Variants in RPS6KA6 observed in about 807,000 individuals in gnomAD.
The protein encoded by RPS6KA6 is ribosomal protein S6 kinase A6.
Under a neutral mutation model 65.4 loss-of-function variants are expected in RPS6KA6, and 27 were observed. That is an observed-to-expected ratio of 0.41 (90% CI 0.30 to 0.57). The LOEUF (loss-of-function observed/expected upper bound fraction) is 0.57, where lower values mean the gene tolerates loss of function less well. Among genes scored for constraint, RPS6KA6 ranks in the 20% least tolerant of loss-of-function variants. The pLI, the probability that RPS6KA6 is intolerant of heterozygous loss-of-function variation, is 0.24. For synonymous variants in RPS6KA6, 190 were observed against 184.2 expected, an observed-to-expected ratio of 1.03 and a Z score of -0.26; for missense variants, 486 against 555.6, an observed-to-expected ratio of 0.87 and a Z score of 1.26.
In RPS6KA6 at chrX:84,126,393, C is replaced by T. The variant is rs190017059; in HGVS notation, c.647-6366G>A. ...AGGGATATAGAACTCAATACAGTAA[C>T]AGCCGGTGACTTCAACACCCCACTT... On this transcript the variant is annotated intron_variant, in intron 8 of 21. Transcript: ENST00000262752. Among the ~76,000 whole-genome samples, 210 of 111,399 alleles carry T rather than the reference C, an allele frequency of 1.9e-3. 4 individuals are homozygous for T. The East Asian group carries it at 0.054, about 29-fold the overall frequency.
At chrX:84,119,761 G>T in intron 9 of RPS6KA6, 124 bp downstream of exon 9, 1 of 404,943 alleles carries the variant, frequency 2.5e-6, no homozygotes, top group Non-Finnish European at 3.9e-6. Context: ...CAAGGTTTTT[G>T]GTGTTAATTA....
At chrX:84,088,273 T>C (rs574779907) in intron 20 of RPS6KA6, among the ~76,000 whole-genome samples, 2 of 112,070 alleles carry the variant, frequency 1.8e-5, no homozygotes, top group East Asian at 2.8e-4. Context: ...ATCTTTGAGG[T>C]TGCTGACCTT....
At chrX:84,126,961 G>A (rs947907239) in intron 8 of RPS6KA6, among the ~76,000 whole-genome samples, 10 of 110,728 alleles carry the variant, frequency 9.0e-5, no homozygotes, top group East Asian at 5.6e-4. Flanking sequence ...CAAATTAGTC[G>A]GAGAAAAGAA....
chrX:84,151,127 T>G (rs1254596999), intron 3 of RPS6KA6, among the ~76,000 whole-genome samples: 6 of 98,203 alleles, frequency 6.1e-5, no homozygotes, highest in East Asian at 6.1e-4. Flanking sequence ...ATAGGATATA[T>G]ATAGATATAT....
chrX:84,101,978 A>C lies in RPS6KA6; in HGVS notation c.1776+59T>G, dbSNP rs372599302. ...CCTACCATAACATTCATATGGCATC[A>C]TATAGATTCAACTAAAGGAAAAGAA... On this transcript the variant is annotated intron_variant, in intron 18 of 21. Transcript: ENST00000262752. The C allele has an allele frequency of 7.2e-6, 7 of 969,171 alleles. No individual in the cohort carries two copies. In the African/African-American group the frequency reaches 7.8e-5, roughly 11 times the overall value. 79.9% of individuals were successfully genotyped at this position (969,171 alleles called of 1,213,427 possible).
intron 8 of RPS6KA6, among the ~76,000 whole-genome samples, chrX:84,121,586 T>A (rs1049159071): frequency 1.8e-5 from 2 of 112,117 alleles, no homozygotes; most frequent in Admixed American, 9.5e-5. Context: ...GTGATTTAGA[T>A]CACATATGTC....
intron 20 of RPS6KA6, among the ~76,000 whole-genome samples, chrX:84,068,464 C>T (rs771594704): frequency 8.9e-5 from 10 of 111,792 alleles, no homozygotes; most frequent in Non-Finnish European, 1.7e-4. Flanking sequence ...TAGCCAATAT[C>T]ATACTGAATG....
chrX:84,132,201 T>C (rs1020415410), intron 8 of RPS6KA6, among the ~76,000 whole-genome samples: 3 of 110,618 alleles, frequency 2.7e-5, no homozygotes, highest in Admixed American at 9.8e-5. Flanking sequence ...GGCAGGATGA[T>C]TGCTTGAGGC....
intron 18 of RPS6KA6, among the ~76,000 whole-genome samples, chrX:84,099,516 T>C (rs1242352157): frequency 9.0e-6 from 1 of 111,144 alleles, no homozygotes; most frequent in Non-Finnish European, 1.9e-5. Flanking sequence ...CTCATTCCTG[T>C]TGCTCAAATC....
At chrX:84,074,319 T>C (rs1259393995) in intron 20 of RPS6KA6, among the ~76,000 whole-genome samples, 1 of 111,350 alleles carries the variant, frequency 9.0e-6, no homozygotes, top group East Asian at 2.8e-4. Flanking sequence ...GCTGATCTCA[T>C]AGAGGTACAG....
chrX:84,186,363 A>G (rs1431088608), intron 1 of RPS6KA6, among the ~76,000 whole-genome samples: 1 of 112,374 alleles, frequency 8.9e-6, no homozygotes, highest in Non-Finnish European at 1.9e-5. Context: ...TGAATATAAC[A>G]AAGTTCCTCT....
At chrX:84,090,432 C>T (rs1455931471) in intron 20 of RPS6KA6, among the ~76,000 whole-genome samples, 1 of 111,649 alleles carries the variant, frequency 9.0e-6, no homozygotes, top group Admixed American at 9.6e-5. Flanking sequence ...TGTAAAACTG[C>T]TCTGTAGTAC....
At position 84,174,709 on chromosome X, in the gene RPS6KA6, T is replaced by G. The variant is rs112646946; in HGVS notation, c.82-10322A>C. On this transcript the variant is annotated intron_variant, in intron 1 of 21. Transcript: ENST00000262752. Reference sequence around the variant, plus strand: ...AACACTTTCCCTTTTTCCTTCCACCTTACCCTATGAAGACTTCTATCAGTA... The same window carrying G: ...AACACTTTCCCTTTTTCCTTCCACCGTACCCTATGAAGACTTCTATCAGTA... Among the ~76,000 whole-genome samples the G allele has an allele frequency of 2.9e-3, 321 of 111,819 alleles. 2 individuals are homozygous for G. The highest frequency in any genetic ancestry group is 5.4e-3 in the Non-Finnish European group (285 of 53,111).
At chrX:84,076,279 T>C (rs146481353) in intron 20 of RPS6KA6, among the ~76,000 whole-genome samples, 1,208 of 111,694 alleles carry the variant, frequency 0.011, 19 homozygotes, top group African/African-American at 0.034. Context: ...TTTCAGAAAT[T>C]TGAAGAGGAG....
intron 20 of RPS6KA6, among the ~76,000 whole-genome samples, chrX:84,074,702 G>C (rs1053937192): frequency 9.0e-6 from 1 of 110,990 alleles, no homozygotes; most frequent in Non-Finnish European, 1.9e-5. Context: ...TAAGAAAATA[G>C]AATACTTATA....
intron 10 of RPS6KA6, 64 bp downstream of exon 10, chrX:84,117,320 A>C: frequency 1.3e-6 from 1 of 798,017 alleles, no homozygotes; most frequent in Non-Finnish European, 1.8e-6. Flanking sequence ...AACCGCAATA[A>C]TTTTTTCAAA....
chrX:84,067,477 ATACCCAAGT>A (rs1315344132), intron 20 of RPS6KA6, among the ~76,000 whole-genome samples: 1 of 112,022 alleles, frequency 8.9e-6, no homozygotes, highest in East Asian at 2.8e-4. Context: ...TTCGTGAAGC[ATACCCAAGT>A]ATGGATAGTT....
chrX:84,145,563 T>C lies in RPS6KA6; in HGVS notation c.422-6A>G, dbSNP rs1345815249. On this transcript the variant is annotated splice_region_variant and splice_polypyrimidine_tract_variant and intron_variant, in intron 5 of 21. Coordinates refer to ENST00000262752, the MANE Select transcript of RPS6KA6 (RefSeq NM_014496.5). Reference sequence around the variant, plus strand: ...TTTCCCTTCAGTCTGAAAGGCTAATTAAAAATTAGAATATAGTAACAGGAT... The same window carrying C: ...TTTCCCTTCAGTCTGAAAGGCTAATCAAAAATTAGAATATAGTAACAGGAT... 2.9e-6 allele frequency: 3 copies of C among 1,027,955 alleles called. No individual in the cohort carries two copies. Among genetic ancestry groups the C allele is most frequent in the African/African-American group, 3.8e-5 (2 of 52,132 alleles). The allele number at this position is 1,027,955 out of a possible 1,213,427, so 84.7% of individuals were successfully genotyped here.
chrX:84,058,795 G>T lies in RPS6KA6; in HGVS notation c.*5482C>A, dbSNP rs2033250140. 9.0e-6 allele frequency: 1 copy of T among 111,263 alleles called. No homozygotes were observed. Among genetic ancestry groups the T allele is most frequent in the African/African-American group, 3.3e-5 (1 of 30,595 alleles). The allele number at this position is 111,263 out of a possible 1,213,427, so 9.2% of individuals were successfully genotyped here. ...TAATGCCATTTCAGTCTTCAGAAAT[G>T]CAATGAAATGTCAGTATATACATAT... On this transcript the variant is annotated 3_prime_UTR_variant, in exon 22 of 22. Transcript: ENST00000262752.
Sources: gnomAD v4.1 joint callset for allele counts (sites outside exome capture counted in the v4.1 genomes callset) on GRCh38, gnomAD v4.1.1 for gene constraint, MANE v1.5 for transcripts, NCBI Gene and HGNC (gene_info 2026-07-23, HGNC 2026-07-21) for gene names.